Variants in GPR39 observed in about 807,000 individuals in gnomAD.
GPR39 encodes the protein G protein-coupled receptor 39, also known as zinc sensing receptor.
Under a neutral mutation model 18.4 loss-of-function variants are expected in GPR39, and 23 were observed. That is an observed-to-expected ratio of 1.25 (90% CI 0.90 to 1.77). The LOEUF is 1.77. Among genes scored for constraint, GPR39 ranks in the 40% most tolerant of loss-of-function variants. The pLI is 0.00. For missense variants in GPR39, 647 were observed against 602.4 expected (o/e 1.07, Z -0.78); for synonymous variants, 280 against 257.9 (o/e 1.09, Z -0.82).
chr2:132,527,463 G>A (rs1192763315), intron 1 of GPR39, among the ~76,000 whole-genome samples: 1 of 152,192 alleles, frequency 6.6e-6, no homozygotes, highest in East Asian at 1.9e-4. Flanking sequence ...CCCAGTAATG[G>A]CATGGCTGGG....
chr2:132,618,920 C>T (rs1681385521), intron 1 of GPR39, among the ~76,000 whole-genome samples: 1 of 152,186 alleles, frequency 6.6e-6, no homozygotes. Flanking sequence ...GGGCCTTGCC[C>T]TTTTGTGTTT....
intron 1 of GPR39, among the ~76,000 whole-genome samples, chr2:132,493,013 A>C (rs1681529604): frequency 7.1e-6 from 1 of 141,322 alleles, no homozygotes; most frequent in African/African-American, 2.7e-5. Flanking sequence ...TATATACACT[A>C]TATATACTAT....
At chr2:132,480,410 A>G (rs1681212206) in intron 1 of GPR39, among the ~76,000 whole-genome samples, 1 of 152,196 alleles carries the variant, frequency 6.6e-6, no homozygotes, top group Non-Finnish European at 1.5e-5. Context: ...ATTTTTTATT[A>G]TGTGGGCTTT....
chr2:132,533,396 A>G (rs974751998), intron 1 of GPR39, among the ~76,000 whole-genome samples: 2 of 145,038 alleles, frequency 1.4e-5, no homozygotes. Context: ...GGAAGAATCA[A>G]TATCGTGAAA....
intron 1 of GPR39, 31 bp downstream of exon 1, chr2:132,417,929 C>T: frequency 1.3e-6 from 2 of 1,542,970 alleles, no homozygotes; most frequent in Admixed American, 1.8e-5. Flanking sequence ...AACACGTGAG[C>T]AGCTTCCCAA....
intron 1 of GPR39, among the ~76,000 whole-genome samples, chr2:132,532,952 C>G (rs1364161203): frequency 5.9e-5 from 9 of 152,252 alleles, no homozygotes; most frequent in Admixed American, 2.0e-4. Context: ...GGGATGCCCT[C>G]TCTCACCACT....
intron 1 of GPR39, among the ~76,000 whole-genome samples, chr2:132,560,993 A>G (rs1680242588): frequency 6.7e-6 from 1 of 149,878 alleles, no homozygotes; most frequent in Admixed American, 6.6e-5. Flanking sequence ...TACTCATTGC[A>G]ACCTCTGCCT....
chr2:132,536,886 C>T (rs1679767688), intron 1 of GPR39, among the ~76,000 whole-genome samples: 1 of 152,160 alleles, frequency 6.6e-6, no homozygotes, highest in Non-Finnish European at 1.5e-5. Context: ...ACTAGGATTG[C>T]AACCCCTGCT....
At chr2:132,588,669 C>T (rs758216631) in intron 1 of GPR39, among the ~76,000 whole-genome samples, 17 of 152,176 alleles carry the variant, frequency 1.1e-4, no homozygotes, top group Non-Finnish European at 1.9e-4. Context: ...TACCTGGAAG[C>T]TCAGGGCTTC....
chr2:132,458,339 A>G (rs1680771165), intron 1 of GPR39, among the ~76,000 whole-genome samples: 1 of 151,996 alleles, frequency 6.6e-6, no homozygotes, highest in Admixed American at 6.6e-5. Flanking sequence ...ATTTTTTAAA[A>G]AAAATTCACT....
chr2:132,459,769 G>T (rs571276649), intron 1 of GPR39, among the ~76,000 whole-genome samples: 13 of 152,320 alleles, frequency 8.5e-5, no homozygotes, highest in Admixed American at 3.3e-4. Flanking sequence ...TGCATAGACT[G>T]CTTCTGATAA....
chr2:132,635,924 G>A (rs1180383877), intron 1 of GPR39, among the ~76,000 whole-genome samples: 1 of 152,218 alleles, frequency 6.6e-6, no homozygotes. Context: ...CTATCTGCAA[G>A]CCAGGAAGCG....
At chr2:132,440,369 A>G (rs1448351843) in intron 1 of GPR39, among the ~76,000 whole-genome samples, 3 of 152,208 alleles carry the variant, frequency 2.0e-5, no homozygotes, top group Admixed American at 2.0e-4. Context: ...GGGTGGTGAC[A>G]TGAGAACACG....
chr2:132,514,367 C>T (rs1283224632), intron 1 of GPR39, among the ~76,000 whole-genome samples: 4 of 152,202 alleles, frequency 2.6e-5, no homozygotes, highest in Non-Finnish European at 5.9e-5. Flanking sequence ...CACCATTGCT[C>T]CCACACCAAG....
At chr2:132,456,427 T>C (rs1375745403) in intron 1 of GPR39, among the ~76,000 whole-genome samples, 5 of 152,180 alleles carry the variant, frequency 3.3e-5, no homozygotes, top group Admixed American at 3.3e-4. Context: ...CTTGACTCTT[T>C]ATCCAATTTA....
chr2:132,646,574 C>A lies in GPR39; in HGVS notation c.*968C>A, dbSNP rs1317031966. ...AAATAGACTTATTTACATTTTAAGT[C>A]AGAGTTCACACTGTGTACAAGACAC... On this transcript the variant is annotated 3_prime_UTR_variant, in exon 2 of 2. Coordinates refer to ENST00000329321, the MANE Select transcript of GPR39 (RefSeq NM_001508.3). The A allele has an allele frequency of 3.4e-6, 1 of 293,576 alleles. No individual in the cohort carries two copies. Among genetic ancestry groups the A allele is most frequent in the Non-Finnish European group, 6.2e-6 (1 of 160,154 alleles). 18.2% of individuals were successfully genotyped at this position (293,576 alleles called of 1,614,324 possible).
At chr2:132,441,638 C>A (rs1680441929) in intron 1 of GPR39, among the ~76,000 whole-genome samples, 1 of 152,174 alleles carries the variant, frequency 6.6e-6, no homozygotes, top group South Asian at 2.1e-4. Flanking sequence ...TTTTCTTCCC[C>A]TTCTCTATCA....
chr2:132,578,084 T>TTA (rs397819501), intron 1 of GPR39, among the ~76,000 whole-genome samples: 8 of 151,300 alleles, frequency 5.3e-5, no homozygotes, highest in African/African-American at 1.9e-4. Context: ...TTTTTTTTTT[T>TTA]ATAAATGGGT....
At chr2:132,429,719 C>T (rs1174377245) in intron 1 of GPR39, among the ~76,000 whole-genome samples, 2 of 152,228 alleles carry the variant, frequency 1.3e-5, no homozygotes, top group African/African-American at 4.8e-5. Context: ...ATGTTTGCAG[C>T]ACCTCTACAT....
Sources: gnomAD v4.1 joint callset for allele counts (sites outside exome capture counted in the v4.1 genomes callset) on GRCh38, gnomAD v4.1.1 for gene constraint, MANE v1.5 for transcripts, NCBI Gene and HGNC (gene_info 2026-07-23, HGNC 2026-07-21) for gene names.